Variants in DET1 observed in about 807,000 individuals in gnomAD.
DET1 encodes DET1 partner of COP1 E3 ubiquitin ligase.
Under a neutral mutation model 43.7 loss-of-function variants are expected in DET1, and 22 were observed. The observed-to-expected ratio is 0.50, with a 90% CI of 0.36 to 0.72. The LOEUF (loss-of-function observed/expected upper bound fraction) is 0.72. Among genes scored for constraint, DET1 ranks in the 30% least tolerant of loss-of-function variants. The probability of loss-of-function intolerance (pLI) is 0.00; values close to 1 mark genes in which losing one functional copy is unlikely to be tolerated. For synonymous variants in DET1, 315 were observed against 266.2 expected, an observed-to-expected ratio of 1.18 and a Z score of -1.79; for missense variants, 713 against 713.3, an observed-to-expected ratio of 1.00 and a Z score of 0.00.
chr15:88,545,621 T>G (rs1393643071), intron 1 of DET1, among the ~76,000 whole-genome samples: 1 of 150,004 alleles, frequency 6.7e-6, no homozygotes, highest in African/African-American at 2.5e-5. Context: ...CTTAATTTTG[T>G]AAAACAATGC....
At chr15:88,536,484 A>T (rs2056953907) in intron 1 of DET1, 3 of 565,968 alleles carry the variant, frequency 5.3e-6, no homozygotes, top group Non-Finnish European at 6.3e-6. Flanking sequence ...AACAAAGTAA[A>T]AGAGGAACAA....
chr15:88,545,102 G>A (rs997268742), intron 1 of DET1, among the ~76,000 whole-genome samples: 1 of 152,072 alleles, frequency 6.6e-6, no homozygotes, highest in Admixed American at 6.5e-5. Flanking sequence ...TGTAAACTTA[G>A]CCACCTACTC....
intron 1 of DET1, among the ~76,000 whole-genome samples, chr15:88,546,015 A>G (rs923487344): frequency 2.6e-5 from 4 of 151,338 alleles, no homozygotes; most frequent in East Asian, 1.9e-4. Context: ...TCCTGTAACC[A>G]TTTATCCTTT....
chr15:88,525,307 A>C (rs1002232387), intron 3 of DET1, among the ~76,000 whole-genome samples: 1 of 152,238 alleles, frequency 6.6e-6, no homozygotes, highest in Admixed American at 6.5e-5. Flanking sequence ...AAATCGACTT[A>C]AAAATATGTG....
At chr15:88,513,900 C>T (rs1210514927) in intron 4 of DET1, among the ~76,000 whole-genome samples, 4 of 145,880 alleles carry the variant, frequency 2.7e-5, no homozygotes, top group South Asian at 4.4e-4. Flanking sequence ...CCCGGGTTCA[C>T]GCCATTCTCC....
intron 2 of DET1, 107 bp from the exon 3 acceptor site, chr15:88,527,893 AAACAACAAC>A (rs3217481): frequency 4.7e-4 from 216 of 461,168 alleles, no homozygotes; most frequent in East Asian, 2.4e-3. Flanking sequence ...AATTTTCCAA[AAACAACAAC>A]AACAACAACA....
At position 88,541,850 on chromosome 15, in the gene DET1, C is replaced by A. The variant is rs576507550; in HGVS notation, c.-11+4690G>T. ...GTTCGGCTCCCCCTGTTTTGCCTCC[C>A]TCTGAAGAAGGGAGGACATGTCTCT... On this transcript the variant is annotated intron_variant, in intron 1 of 4. Coordinates refer to ENST00000268148, the MANE Select transcript of DET1 (RefSeq NM_001144074.3). Among the ~76,000 whole-genome samples, 4 of 152,198 alleles carry A rather than the reference C, an allele frequency of 2.6e-5. No homozygotes were observed. In the South Asian group the frequency reaches 8.3e-4, roughly 32 times the overall value.
At chr15:88,537,181 T>C (rs2056975034) in intron 1 of DET1, among the ~76,000 whole-genome samples, 1 of 152,172 alleles carries the variant, frequency 6.6e-6, no homozygotes, top group South Asian at 2.1e-4. Context: ...TTTTAAAAAA[T>C]GAAATAGAAA....
chr15:88,513,734 C>G (rs2056261734), intron 4 of DET1, among the ~76,000 whole-genome samples: 1 of 149,620 alleles, frequency 6.7e-6, no homozygotes, highest in Non-Finnish European at 1.5e-5. Flanking sequence ...TAGTGTCTAC[C>G]ATATTGGACA....
At chr15:88,528,426 G>C (rs529185171) in intron 2 of DET1, among the ~76,000 whole-genome samples, 1 of 152,326 alleles carries the variant, frequency 6.6e-6, no homozygotes, top group East Asian at 1.9e-4. Flanking sequence ...TGAAAAATCA[G>C]ATAGGCGTTT....
chr15:88,506,312 T>G (rs1200213936), intron 7 of DET1, among the ~76,000 whole-genome samples: 1 of 152,208 alleles, frequency 6.6e-6, no homozygotes, highest in Non-Finnish European at 1.5e-5. Flanking sequence ...AGGCTTCACA[T>G]GAAACTTATT....
At chr15:88,530,294 A>T (rs1255146997) in intron 2 of DET1, among the ~76,000 whole-genome samples, 1 of 152,192 alleles carries the variant, frequency 6.6e-6, no homozygotes, top group East Asian at 1.9e-4. Flanking sequence ...TTACAAAATC[A>T]AGGGAGGTTA....
chr15:88,540,434 CTCTGCTCAAAT>C, intron 1 of DET1, among the ~76,000 whole-genome samples: 1 of 151,780 alleles, frequency 6.6e-6, no homozygotes, highest in South Asian at 2.1e-4. Flanking sequence ...GATCTGATAC[CTCTGCTCAAAT>C]TCTGTTAAAT....
At chr15:88,513,791 TTC>T in intron 4 of DET1, among the ~76,000 whole-genome samples, 1 of 137,846 alleles carries the variant, frequency 7.3e-6, no homozygotes, top group African/African-American at 2.8e-5. Context: ...TAAGAATAAA[TTC>T]TTTTTTTTTT....
chr15:88,527,345 T>C (rs933037380), intron 3 of DET1, among the ~76,000 whole-genome samples: 2 of 152,218 alleles, frequency 1.3e-5, no homozygotes, highest in East Asian at 1.9e-4. Flanking sequence ...ACTGAAGATA[T>C]AGCAATACAT....
chr15:88,511,392 C>T (rs1028519193), downstream of DET1: 45 of 985,224 alleles, frequency 4.6e-5, no homozygotes, highest in Admixed American at 1.0e-3. Context: ...TCCCATCTCC[C>T]TCACCCCAGT....
At chr15:88,544,394 C>A (rs773329964) in intron 1 of DET1, among the ~76,000 whole-genome samples, 2 of 152,150 alleles carry the variant, frequency 1.3e-5, no homozygotes, top group African/African-American at 4.8e-5. Flanking sequence ...GGGAGGGCGC[C>A]GCCTATCTTG....
chr15:88,524,198 C>A (rs1395827331), intron 3 of DET1, among the ~76,000 whole-genome samples: 2 of 151,480 alleles, frequency 1.3e-5, no homozygotes, highest in African/African-American at 2.4e-5. Context: ...AGTGTCTCTG[C>A]CCCACCGCCA....
rs541912077 is a variant in DET1 at position 88,520,243 on chromosome 15, C to G, written c.1272-3270G>C. 1.1e-3 allele frequency among the ~76,000 whole-genome samples: 175 copies of G among 152,288 alleles called. 2 individuals carry two copies. Among genetic ancestry groups the G allele is most frequent in the African/African-American group, 4.0e-3 (165 of 41,560 alleles). Reference sequence around the variant, plus strand: ...AAAACAAAATCTAACACTACCTACCCCTCCAGCTAATGCACCACTTTTCAG... The same window carrying G: ...AAAACAAAATCTAACACTACCTACCGCTCCAGCTAATGCACCACTTTTCAG... On this transcript the variant is annotated intron_variant, in intron 3 of 4. Transcript: ENST00000268148.
Sources: gnomAD v4.1 joint callset for allele counts (sites outside exome capture counted in the v4.1 genomes callset) on GRCh38, gnomAD v4.1.1 for gene constraint, MANE v1.5 for transcripts, NCBI Gene and HGNC (gene_info 2026-07-23, HGNC 2026-07-21) for gene names.